RTKN2: variants seen among roughly 807,000 people sequenced by gnomAD.
The protein encoded by RTKN2 is rhotekin 2, also known as rhotekin-2.
In RTKN2, 69 loss-of-function variants were observed where a neutral mutation model predicts 71.5. The observed-to-expected ratio is 0.96, with a 90% CI of 0.79 to 1.18. RTKN2 has a LOEUF of 1.18. Ranked by LOEUF, RTKN2 falls within the 50% of genes most tolerant of loss-of-function variation. RTKN2 has a pLI of 0.00. For synonymous variants in RTKN2, 236 were observed against 236.5 expected, an observed-to-expected ratio of 1.00 and a Z score of 0.02; for missense variants, 724 against 719.7, an observed-to-expected ratio of 1.01 and a Z score of -0.07.
rs1286771775 is a variant in RTKN2, at chr10:62,268,727, C to CAGGGGCCGGGGGCGCAGG, written c.-135_-118dup. ...GCCCGGCCGTACCAAGTCCCAGTCG[C>CAGGGGCCGGGGGCGCAGG]AGGGGCCGGGGGCGCAGGAGGAGCC... On this transcript the variant is annotated 5_prime_UTR_variant, in exon 1 of 12. Coordinates refer to ENST00000373789, the MANE Select transcript of RTKN2 (RefSeq NM_145307.4). 6 of 1,111,034 alleles carry CAGGGGCCGGGGGCGCAGG rather than the reference C, an allele frequency of 5.4e-6. No individual in the cohort carries two copies. Among genetic ancestry groups the CAGGGGCCGGGGGCGCAGG allele is most frequent in the Non-Finnish European group, 7.7e-6 (6 of 780,890 alleles). The allele number at this position is 1,111,034 out of a possible 1,614,324, so 68.8% of individuals were successfully genotyped here. A position where few individuals can be genotyped will look rare whatever the true frequency, so the allele number is the denominator to read the frequency against.
intron 7 of RTKN2, among the ~76,000 whole-genome samples, chr10:62,222,498 T>A (rs1841931985): frequency 6.6e-6 from 1 of 152,132 alleles, no homozygotes; most frequent in South Asian, 2.1e-4. Context: ...ACAAAAAAAA[T>A]TGGTATAACA....
intron 2 of RTKN2, among the ~76,000 whole-genome samples, chr10:62,251,306 T>C (rs148488166): frequency 1.2e-4 from 18 of 152,372 alleles, no homozygotes; most frequent in Non-Finnish European, 2.2e-4. Context: ...TTAGTTATTG[T>C]TGTTCATCTC....
At chr10:62,239,624 C>T (rs918532552) in intron 5 of RTKN2, 24 bp downstream of exon 5, 29 of 1,026,212 alleles carry the variant, frequency 2.8e-5, no homozygotes, top group Admixed American at 5.3e-5. Context: ...TATTTTTATT[C>T]TCTGAAGATT....
chr10:62,239,780 A>C lies in RTKN2; in HGVS notation c.371-15T>G. 3 of 1,245,130 alleles carry C rather than the reference A, an allele frequency of 2.4e-6. No homozygotes were observed. The highest frequency in any genetic ancestry group is 3.5e-6 in the Non-Finnish European group (3 of 855,718). 77.1% of individuals were successfully genotyped at this position (1,245,130 alleles called of 1,614,324 possible). A position where few individuals can be genotyped will look rare whatever the true frequency, so the allele number is the denominator to read the frequency against. ...GCGTCGTGATCCTGGAGGAAAAATA[A>C]CAACATATTAAGCAACAATCCATGT... is the stretch of plus-strand genomic sequence containing the variant. On this transcript the variant is annotated splice_polypyrimidine_tract_variant and intron_variant, in intron 4 of 11. Coordinates refer to ENST00000373789, the MANE Select transcript of RTKN2 (RefSeq NM_145307.4).
chr10:62,195,125 A>T lies in RTKN2; in HGVS notation c.*2783T>A. On this transcript the variant is annotated 3_prime_UTR_variant, in exon 12 of 12. Transcript: ENST00000373789. ...TATCTTAATGCTGACTACGTAATTT[A>T]TATCCCAGAGCTTGAAATGTAAAGG... The T allele has an allele frequency of 1.0e-6, 1 of 980,284 alleles. No homozygotes were observed. Among genetic ancestry groups the T allele is most frequent in the South Asian group, 4.7e-5 (1 of 21,158 alleles). 60.7% of individuals were successfully genotyped at this position (980,284 alleles called of 1,614,324 possible).
intron 3 of RTKN2, among the ~76,000 whole-genome samples, chr10:62,242,722 G>A (rs983188921): frequency 2.0e-5 from 3 of 151,528 alleles, no homozygotes; most frequent in Non-Finnish European, 2.9e-5. Context: ...CCCTGCCCCC[G>A]GGGTTCAAGT....
chr10:62,231,553 T>C (rs1842147974), intron 6 of RTKN2, among the ~76,000 whole-genome samples: 1 of 152,196 alleles, frequency 6.6e-6, no homozygotes, highest in Admixed American at 6.5e-5. Flanking sequence ...AGGATAACAT[T>C]TTCTTTCTAA....
chr10:62,242,521 G>A (rs1216670759), intron 3 of RTKN2, among the ~76,000 whole-genome samples: 1 of 151,804 alleles, frequency 6.6e-6, no homozygotes, highest in African/African-American at 2.4e-5. Context: ...ACCACTTTTT[G>A]TATATTTATC....
downstream of RTKN2, among the ~76,000 whole-genome samples, chr10:62,188,742 T>A (rs187330949): frequency 7.0e-3 from 1,038 of 148,424 alleles, 14 homozygotes; most frequent in African/African-American, 0.025. Flanking sequence ...TATATTTAAA[T>A]TTTTTAAATT....
intron 7 of RTKN2, among the ~76,000 whole-genome samples, chr10:62,219,488 C>G (rs563036596): frequency 1.3e-5 from 2 of 152,234 alleles, no homozygotes; most frequent in South Asian, 4.2e-4. Flanking sequence ...CTTGAATGGA[C>G]TCTGAGGATT....
At chr10:62,242,302 A>G (rs774017253) in intron 3 of RTKN2, among the ~76,000 whole-genome samples, 1 of 152,146 alleles carries the variant, frequency 6.6e-6, no homozygotes, top group Non-Finnish European at 1.5e-5. Flanking sequence ...CAAGTGTTTT[A>G]TTAGTATTCC....
chr10:62,241,989 G>A (rs1402026038), intron 3 of RTKN2, among the ~76,000 whole-genome samples: 2 of 150,206 alleles, frequency 1.3e-5, no homozygotes, highest in African/African-American at 4.9e-5. Context: ...GTGAGCCACT[G>A]TGCCTGGCTG....
At chr10:62,184,317 A>C in exon 9 of RTKN2, 2 of 1,516,218 alleles carry the variant, frequency 1.3e-6, no homozygotes, top group South Asian at 1.2e-5. Flanking sequence ...GAAGTATTTG[A>C]GAAGCTATGT....
chr10:62,256,650 A>C (rs964474612), intron 2 of RTKN2, among the ~76,000 whole-genome samples: 1 of 151,998 alleles, frequency 6.6e-6, no homozygotes, highest in Non-Finnish European at 1.5e-5. Flanking sequence ...AAAAAGAAAA[A>C]TGTGTGCATG....
chr10:62,212,113 A>AT (rs11438934), intron 9 of RTKN2, among the ~76,000 whole-genome samples: 54,020 of 151,586 alleles, frequency 0.36, 12,488 homozygotes, highest in African/African-American at 0.66. Flanking sequence ...TTAAAAAAAA[A>AT]ATATATATAT....
intron 8 of RTKN2, among the ~76,000 whole-genome samples, chr10:62,187,215 G>A (rs1277342532): frequency 6.6e-6 from 1 of 151,094 alleles, no homozygotes; most frequent in African/African-American, 2.4e-5. Flanking sequence ...CTGATTCAGA[G>A]ATGACGGCAG....
chr10:62,229,174 A>AC (rs1363591763), intron 6 of RTKN2, among the ~76,000 whole-genome samples: 1 of 152,226 alleles, frequency 6.6e-6, no homozygotes, highest in African/African-American at 2.4e-5. Context: ...ACAAAAGAAG[A>AC]GAGATGCTAG....
At chr10:62,188,776 C>A (rs1048088664), downstream of RTKN2, among the ~76,000 whole-genome samples, 1 of 151,456 alleles carries the variant, frequency 6.6e-6, no homozygotes, top group Non-Finnish European at 1.5e-5. Context: ...GAGACTGAGT[C>A]TCCCTCTGTC....
intron 5 of RTKN2, among the ~76,000 whole-genome samples, chr10:62,236,699 C>T (rs548297702): frequency 6.6e-6 from 1 of 152,066 alleles, no homozygotes; most frequent in African/African-American, 2.4e-5. Context: ...GCATTATTCA[C>T]AATCGCCAAG....
Sources: gnomAD v4.1 joint callset for allele counts (sites outside exome capture counted in the v4.1 genomes callset) on GRCh38, gnomAD v4.1.1 for gene constraint, MANE v1.5 for transcripts, NCBI Gene and HGNC (gene_info 2026-07-23, HGNC 2026-07-21) for gene names.